CNST: variants seen among roughly 807,000 people sequenced by gnomAD.
CNST encodes consortin, connexin sorting protein.
Under a neutral mutation model 72.4 loss-of-function variants are expected in CNST, and 39 were observed. The ratio of observed to expected loss-of-function variants is 0.54; its 90% CI spans 0.42 to 0.70. The LOEUF is 0.70. Among genes scored for constraint, CNST ranks in the 30% least tolerant of loss-of-function variants. The pLI, the probability that CNST is intolerant of heterozygous loss-of-function variation, is 0.00. For synonymous variants in CNST, 332 were observed against 320.1 expected (o/e 1.04, Z -0.40); for missense variants, 871 against 868.5 (o/e 1.00, Z -0.04).
chr1:246,634,990 G>GGGGT (rs1489366089), intron 6 of CNST, among the ~76,000 whole-genome samples: 19 of 149,610 alleles, frequency 1.3e-4, no homozygotes, highest in Admixed American at 7.3e-4. Context: ...TCTTCCGGCC[G>GGGGT]GCCCTCTTCC....
intron 1 of CNST, among the ~76,000 whole-genome samples, chr1:246,579,587 G>A (rs920805689): frequency 3.3e-5 from 5 of 152,100 alleles, no homozygotes; most frequent in African/African-American, 4.8e-5. Flanking sequence ...CAGGAAACAT[G>A]GTAAAACTCC....
chr1:246,629,765 A>G (rs1456682357), intron 3 of CNST, among the ~76,000 whole-genome samples: 2 of 152,064 alleles, frequency 1.3e-5, no homozygotes, highest in African/African-American at 4.8e-5. Flanking sequence ...AGAGTTTCAC[A>G]CTGTCACCCA....
chr1:246,664,099 T>C (rs1329227772), intron 10 of CNST, among the ~76,000 whole-genome samples: 1 of 152,270 alleles, frequency 6.6e-6, no homozygotes, highest in Non-Finnish European at 1.5e-5. Context: ...AATTAAATCA[T>C]GAGTCTTAGA....
intron 3 of CNST, among the ~76,000 whole-genome samples, chr1:246,626,065 C>T (rs1664411230): frequency 6.8e-6 from 1 of 147,910 alleles, no homozygotes; most frequent in Non-Finnish European, 1.5e-5. Context: ...CCCATATTTT[C>T]CTTTTTTTTT....
rs777578194 is a variant in CNST at position 246,634,507 on chromosome 1, T to TA, written c.739dup (p.Thr247AsnfsTer11). On this transcript the variant is annotated frameshift_variant, in exon 6 of 11. Coordinates refer to ENST00000366513, the MANE Select transcript of CNST (RefSeq NM_152609.3). LOFTEE classifies it high-confidence loss of function. ...GGAAAACTGTGCAACCACATACAGT[T>TA]ACGGCTCTAAGGAATTCAGAAAAGG... 4 of 1,605,498 alleles carry TA rather than the reference T, an allele frequency of 2.5e-6. No individual in the cohort carries two copies. Among genetic ancestry groups the TA allele is most frequent in the Non-Finnish European group, 3.4e-6 (4 of 1,178,192 alleles).
At chr1:246,625,202 A>G (rs1162782194) in intron 3 of CNST, among the ~76,000 whole-genome samples, 1 of 152,098 alleles carries the variant, frequency 6.6e-6, no homozygotes, top group Non-Finnish European at 1.5e-5. Flanking sequence ...GTTCTGTGCA[A>G]CTGTTTTCCC....
At chr1:246,588,644 ATTAATT>A (rs899399392) in intron 1 of CNST, among the ~76,000 whole-genome samples, 8 of 152,224 alleles carry the variant, frequency 5.3e-5, no homozygotes, top group Non-Finnish European at 1.0e-4. Context: ...CAAAGGGAAA[ATTAATT>A]TTAGTAATAG....
intron 2 of CNST, among the ~76,000 whole-genome samples, chr1:246,601,374 C>G (rs1198254005): frequency 6.6e-6 from 1 of 152,040 alleles, no homozygotes; most frequent in African/African-American, 2.4e-5. Context: ...TGATGAGCCA[C>G]CAACTGTTAG....
intron 6 of CNST, among the ~76,000 whole-genome samples, chr1:246,636,732 A>C (rs1665280868): frequency 1.3e-5 from 2 of 152,250 alleles, no homozygotes; most frequent in African/African-American, 4.8e-5. Flanking sequence ...TATGACTGCC[A>C]GATACTCCTA....
At chr1:246,570,903 G>T (rs1284641573) in intron 1 of CNST, among the ~76,000 whole-genome samples, 1 of 152,126 alleles carries the variant, frequency 6.6e-6, no homozygotes, top group Non-Finnish European at 1.5e-5. Context: ...TATGCTTAAT[G>T]AGAAATTCTA....
chr1:246,575,059 G>A (rs1009189251), intron 1 of CNST, among the ~76,000 whole-genome samples: 3 of 151,496 alleles, frequency 2.0e-5, no homozygotes, highest in Admixed American at 6.6e-5. Context: ...GCAGTGGCAC[G>A]ATCTTGGCTC....
intron 1 of CNST, among the ~76,000 whole-genome samples, chr1:246,568,309 T>C (rs1659850651): frequency 1.3e-5 from 2 of 152,236 alleles, no homozygotes; most frequent in African/African-American, 2.4e-5. Context: ...GTGTTATTAT[T>C]TTCTCTTGGT....
At chr1:246,635,060 G>C (rs1226990500) in intron 6 of CNST, among the ~76,000 whole-genome samples, 2 of 152,152 alleles carry the variant, frequency 1.3e-5, no homozygotes, top group Non-Finnish European at 2.9e-5. Flanking sequence ...CTTGGGACTG[G>C]GTCTGAGGAG....
chr1:246,591,744 C>T lies in CNST; in HGVS notation c.182C>T (p.Pro61Leu). Reference sequence around the variant, plus strand: ...AGCAGTGACAGTGCGATGGGAAAGCCCCAAGTGTCTGAGCAGGACAGTCTC... The same window carrying T: ...AGCAGTGACAGTGCGATGGGAAAGCTCCAAGTGTCTGAGCAGGACAGTCTC... ...LTSSDSAMGK[P>L]QVSEQDSLNN... The change falls in exon 2 of 11, where the codon CCC (proline) becomes CTC (leucine). Residue 61 changes from proline to leucine, a missense_variant. Physicochemically the swap from Pro to Leu is moderately conservative, Grantham distance 98. Coordinates refer to ENST00000366513, the MANE Select transcript of CNST (RefSeq NM_152609.3). 6.2e-7 allele frequency: 1 copy of T among 1,614,104 alleles called. No homozygotes were observed. The highest frequency in any genetic ancestry group is 8.5e-7 in the Non-Finnish European group (1 of 1,180,026).
In CNST at chr1:246,660,250, G is replaced by A. The variant is rs542973916; in HGVS notation, c.1888G>A (p.Val630Ile). The A allele has an allele frequency of 3.7e-6, 6 of 1,612,250 alleles. No homozygotes were observed. In the African/African-American group the frequency reaches 5.3e-5, roughly 14 times the overall value. ...VSILKKRNDT[V>I]GDHPAQMQHK... is the part of the protein sequence containing the mutation. ...CATATTAAAGAAGAGGAATGATACT[G>A]TAGGAGATCATCCTGCCCAAATGCA... Residue 630 changes from valine to isoleucine, a missense_variant, in exon 10 of 11, where the codon GTA (valine) becomes ATA (isoleucine). Transcript: ENST00000366513.
intron 2 of CNST, among the ~76,000 whole-genome samples, chr1:246,604,206 A>G (rs1272929539): frequency 2.0e-5 from 3 of 152,154 alleles, no homozygotes; most frequent in African/African-American, 7.2e-5. Context: ...GTGAGCCGAT[A>G]TCGCGCCATT....
intron 2 of CNST, among the ~76,000 whole-genome samples, chr1:246,593,302 A>C (rs1043886559): frequency 1.3e-5 from 2 of 151,384 alleles, no homozygotes; most frequent in African/African-American, 4.8e-5. Flanking sequence ...AATAATTTTT[A>C]ACCAGGGATA....
chr1:246,580,156 A>T (rs900554385), intron 1 of CNST, among the ~76,000 whole-genome samples: 4 of 152,150 alleles, frequency 2.6e-5, no homozygotes, highest in African/African-American at 9.7e-5. Flanking sequence ...TAAGGTTAAA[A>T]AATTAAGATG....
intron 10 of CNST, among the ~76,000 whole-genome samples, chr1:246,662,800 A>G (rs1049701496): frequency 5.3e-5 from 8 of 152,132 alleles, no homozygotes; most frequent in Non-Finnish European, 8.8e-5. Flanking sequence ...TTTTCACACT[A>G]AGTATTCAGA....
Sources: allele counts gnomAD v4.1 joint callset (sites outside exome capture counted in the v4.1 genomes callset), GRCh38; gene constraint gnomAD v4.1.1; transcripts MANE v1.5; gene names NCBI Gene and HGNC (gene_info 2026-07-23, HGNC 2026-07-21).